Variants in ADAMTS12 observed in about 807,000 individuals in gnomAD.
ADAMTS12 encodes the protein A disintegrin and metalloproteinase with thrombospondin motifs 12.
ADAMTS12 carries 118 observed loss-of-function variants against 167.8 expected under a neutral mutation model. That is an observed-to-expected ratio of 0.70 (90% CI 0.61 to 0.82). ADAMTS12 has a LOEUF of 0.82. Among genes scored for constraint, ADAMTS12 ranks in the 40% least tolerant of loss-of-function variants. The probability of loss-of-function intolerance (pLI) is 0.00; values close to 1 mark genes in which losing one functional copy is unlikely to be tolerated. For missense variants in ADAMTS12, 1,916 were observed against 1,998.8 expected (o/e 0.96, Z 0.79); for synonymous variants, 704 against 716.9 (o/e 0.98, Z 0.29).
chr5:33,615,172 C>T (rs866177952), intron 15 of ADAMTS12, among the ~76,000 whole-genome samples: 2 of 152,158 alleles, frequency 1.3e-5, no homozygotes, highest in Admixed American at 6.5e-5. Context: ...GTGTCAGAAG[C>T]AAAGTCTCCC....
At position 33,649,651 on chromosome 5, in the gene ADAMTS12, C is replaced by T; in HGVS notation, c.1237G>A (p.Gly413Ser). ...CGGGACATGATGTACGGATGTCTGCCCACAGGCTCACAGTCATTTTCTTTC... is the reference window on the plus strand; with the variant it reads ...CGGGACATGATGTACGGATGTCTGCTCACAGGCTCACAGTCATTTTCTTTC... ...DGKENDCEPV[G>S]RHPYIMSRQL... Residue 413 changes from glycine to serine, a missense_variant, in exon 8 of 24, where the codon GGC becomes AGC. Physicochemically the swap from Gly to Ser is moderately conservative, Grantham distance 56 (BLOSUM62 0). Coordinates refer to ENST00000504830, the MANE Select transcript of ADAMTS12 (RefSeq NM_030955.4). 6.2e-7 allele frequency: 1 copy of T among 1,614,008 alleles called. No individual in the cohort carries two copies.
rs369856727 is a variant in ADAMTS12 at position 33,609,988 on chromosome 5, T to A, written c.2527+4250A>T. ...TGAGGTCAGGAGCTCGAGACCCGCC[T>A]GACCAACATGGAGAAACCCCGTCTC... On this transcript the variant is annotated intron_variant, in intron 16 of 23. Transcript: ENST00000504830. Among the ~76,000 whole-genome samples, 29 of 152,096 alleles carry A rather than the reference T, an allele frequency of 1.9e-4. No individual in the cohort carries two copies. The East Asian group carries it at 3.3e-3, about 17-fold the overall frequency.
chr5:33,846,066 G>C (rs879491987), intron 2 of ADAMTS12, among the ~76,000 whole-genome samples: 2 of 152,172 alleles, frequency 1.3e-5, no homozygotes, highest in African/African-American at 4.8e-5. Flanking sequence ...GAAATTTTGA[G>C]GGGACAAATA....
At chr5:33,699,646 C>T (rs1017903917) in intron 3 of ADAMTS12, among the ~76,000 whole-genome samples, 2 of 152,062 alleles carry the variant, frequency 1.3e-5, no homozygotes, top group East Asian at 1.9e-4. Flanking sequence ...TGGTGGTGGT[C>T]GTACCACTCT....
At chr5:33,886,671 C>T (rs1405273207) in intron 1 of ADAMTS12, among the ~76,000 whole-genome samples, 1 of 152,146 alleles carries the variant, frequency 6.6e-6, no homozygotes, top group African/African-American at 2.4e-5. Flanking sequence ...GTAATTGCCT[C>T]TTTGTTGGGC....
intron 13 of ADAMTS12, among the ~76,000 whole-genome samples, chr5:33,628,284 A>T (rs536587178): frequency 6.6e-6 from 1 of 152,244 alleles, no homozygotes; most frequent in Admixed American, 6.5e-5. Flanking sequence ...GAGAGTTCAG[A>T]GCTGGAAGTG....
intron 2 of ADAMTS12, among the ~76,000 whole-genome samples, chr5:33,780,820 T>C (rs1746099569): frequency 6.6e-6 from 1 of 152,182 alleles, no homozygotes; most frequent in Non-Finnish European, 1.5e-5. Flanking sequence ...AAGAGTCTAA[T>C]AAATGTGAGA....
intron 2 of ADAMTS12, among the ~76,000 whole-genome samples, chr5:33,765,541 A>G (rs1360124175): frequency 1.3e-5 from 2 of 152,220 alleles, no homozygotes; most frequent in African/African-American, 4.8e-5. Context: ...TAAAAGTAAA[A>G]TGTACCCTCC....
intron 2 of ADAMTS12, among the ~76,000 whole-genome samples, chr5:33,783,266 G>C (rs192918557): frequency 4.2e-4 from 64 of 151,894 alleles, no homozygotes; most frequent in Middle Eastern, 3.4e-3. Context: ...TATTTAGAGG[G>C]AAGGTTTCTA....
At chr5:33,672,284 A>C (rs1323066600) in intron 5 of ADAMTS12, among the ~76,000 whole-genome samples, 1 of 147,614 alleles carries the variant, frequency 6.8e-6, no homozygotes, top group African/African-American at 2.5e-5. Flanking sequence ...CCCCACATAC[A>C]TACACACACC....
chr5:33,765,561 TA>T (rs1423146004), intron 2 of ADAMTS12, among the ~76,000 whole-genome samples: 1 of 152,238 alleles, frequency 6.6e-6, no homozygotes, highest in African/African-American at 2.4e-5. Context: ...CATTTTTCAG[TA>T]ACCTTAACCC....
chr5:33,708,479 A>G (rs1471914287), intron 3 of ADAMTS12, among the ~76,000 whole-genome samples: 2 of 152,244 alleles, frequency 1.3e-5, no homozygotes, highest in African/African-American at 4.8e-5. Flanking sequence ...TCATTCTACT[A>G]TAAAGACACA....
chr5:33,873,673 A>AATC (rs1750124396), intron 2 of ADAMTS12, among the ~76,000 whole-genome samples: 1 of 152,230 alleles, frequency 6.6e-6, no homozygotes, highest in Non-Finnish European at 1.5e-5. Flanking sequence ...TTAAAGGTAT[A>AATC]ATCATCAAGA....
chr5:33,783,182 G>A (rs1443258111), intron 2 of ADAMTS12, among the ~76,000 whole-genome samples: 1 of 151,632 alleles, frequency 6.6e-6, no homozygotes, highest in East Asian at 1.9e-4. Flanking sequence ...AACCAAAAGA[G>A]CAACTACAAA....
At position 33,760,959 on chromosome 5, in the gene ADAMTS12, T is replaced by G. The variant is rs150820450; in HGVS notation, c.490-9411A>C. 3.5e-3 allele frequency among the ~76,000 whole-genome samples: 536 copies of G among 151,522 alleles called. 4 individuals are homozygous for G. Among genetic ancestry groups the G allele is most frequent in the African/African-American group, 0.012 (504 of 41,230 alleles). On this transcript the variant is annotated intron_variant, in intron 2 of 23. Coordinates refer to ENST00000504830, the MANE Select transcript of ADAMTS12 (RefSeq NM_030955.4). ...TAAGCAGCAATCCATAAACCCACAT[T>G]TGCCATGTCTCACCAAAAAATAAAA...
chr5:33,727,336 GTT>G (rs1744019265), intron 3 of ADAMTS12, among the ~76,000 whole-genome samples: 1 of 152,098 alleles, frequency 6.6e-6, no homozygotes, highest in South Asian at 2.1e-4. Context: ...TCGCCTCCTT[GTT>G]TCTTCTCCTC....
At chr5:33,806,345 GA>G (rs1259207589) in intron 2 of ADAMTS12, among the ~76,000 whole-genome samples, 2 of 152,208 alleles carry the variant, frequency 1.3e-5, no homozygotes, top group African/African-American at 4.8e-5. Flanking sequence ...GTCATTAATG[GA>G]AGCACAGCCT....
Position 33,588,668 on chromosome 5 carries a change from G to C in ADAMTS12, c.2796C>G (p.Pro932=). Reference sequence around the variant, plus strand: ...CTCTGTTGCAGGAAAGGAGGGTCTTGGGCTTCAGCAGGTGCTGGCAGTCTG... The same window carrying C: ...CTCTGTTGCAGGAAAGGAGGGTCTTCGGCTTCAGCAGGTGCTGGCAGTCTG... ...PPTDCQHLLK[P]KTLLSCNRDI... The change falls in exon 18 of 24, where the codon CCC becomes CCG. Residue 932 remains proline (P), a synonymous_variant. Coordinates refer to ENST00000504830, the MANE Select transcript of ADAMTS12 (RefSeq NM_030955.4). 6.2e-7 allele frequency: 1 copy of C among 1,614,172 alleles called. No homozygotes were observed. Among genetic ancestry groups the C allele is most frequent in the Non-Finnish European group, 8.5e-7 (1 of 1,180,014 alleles).
At chr5:33,657,507 T>C (rs1741103676) in intron 7 of ADAMTS12, among the ~76,000 whole-genome samples, 1 of 152,224 alleles carries the variant, frequency 6.6e-6, no homozygotes, top group African/African-American at 2.4e-5. Context: ...AAACCTCTGA[T>C]ATCTGGTGAA....
Sources: allele counts gnomAD v4.1 joint callset (sites outside exome capture counted in the v4.1 genomes callset), GRCh38; gene constraint gnomAD v4.1.1; transcripts MANE v1.5; gene names NCBI Gene and HGNC (gene_info 2026-07-23, HGNC 2026-07-21).